The following HDDC2 variants were observed in gnomAD, a reference collection of about 807,000 sequenced individuals.
The protein encoded by HDDC2 is HD domain containing 2.
HDDC2 carries 25 observed loss-of-function variants against 25.5 expected under a neutral mutation model. The ratio of observed to expected loss-of-function variants is 0.98; its 90% CI spans 0.72 to 1.37. HDDC2 has a LOEUF of 1.37. HDDC2 is among the 40% of genes most tolerant of loss of function. The pLI is 0.00. For synonymous variants in HDDC2, 106 were observed against 89.7 expected (o/e 1.18, Z -1.03); for missense variants, 264 against 253.1 (o/e 1.04, Z -0.29).
intron 3 of HDDC2, among the ~76,000 whole-genome samples, chr6:125,297,087 A>C (rs1281445871): frequency 6.6e-6 from 1 of 152,154 alleles, no homozygotes; most frequent in African/African-American, 2.4e-5. Flanking sequence ...CTCGTCCACA[A>C]TGTCCAGATT....
chr6:125,280,813 C>G (rs1798447224), intron 4 of HDDC2, among the ~76,000 whole-genome samples: 1 of 152,264 alleles, frequency 6.6e-6, no homozygotes, highest in Non-Finnish European at 1.5e-5. Flanking sequence ...AATGTTCCTG[C>G]CTGCCGGCTC....
In HDDC2 at chr6:125,276,252, CA is replaced by C. The variant is rs1389899158; in HGVS notation, c.518-10del. ...AGGGTGATTGAATTTTCCTGCAAAG[CA>C]AAAGAACAGGGAAAAATACATTCCC... On this transcript the variant is annotated splice_polypyrimidine_tract_variant and intron_variant, in intron 5 of 5. Coordinates refer to ENST00000398153, the MANE Select transcript of HDDC2 (RefSeq NM_016063.3). 6.2e-7 allele frequency: 1 copy of C among 1,602,512 alleles called. No homozygotes were observed.
intron 3 of HDDC2, 116 bp from the exon 4 acceptor site, chr6:125,293,025 G>A: frequency 1.2e-6 from 1 of 825,736 alleles, no homozygotes; most frequent in South Asian, 1.4e-5. Flanking sequence ...GGGCAGCAGA[G>A]TAAATTGGCC....
intron 1 of HDDC2, 73 bp downstream of exon 1, chr6:125,301,776 G>C (rs987522993): frequency 3.5e-6 from 4 of 1,134,546 alleles, no homozygotes; most frequent in Non-Finnish European, 5.0e-6. Flanking sequence ...CGGCCGAGCG[G>C]GGAGGCCGGA....
chr6:125,290,840 T>C (rs1798620373), intron 4 of HDDC2, among the ~76,000 whole-genome samples: 1 of 152,240 alleles, frequency 6.6e-6, no homozygotes, highest in African/African-American at 2.4e-5. Flanking sequence ...TATCAAGTGT[T>C]TTAATTCTCT....
Position 125,300,519 on chromosome 6 carries a change from A to C in HDDC2, c.206+19T>G. On this transcript the variant is annotated intron_variant, in intron 2 of 5. Coordinates refer to ENST00000398153, the MANE Select transcript of HDDC2 (RefSeq NM_016063.3). ...TAGACCAGAATCTCTCACGAGCATC[A>C]AAGTCCAGCTCAGCTTACCGGTCTT... The C allele has an allele frequency of 6.2e-7, 1 of 1,610,918 alleles. No individual in the cohort carries two copies. Among genetic ancestry groups the C allele is most frequent in the South Asian group, 1.1e-5 (1 of 90,406 alleles).
At chr6:125,285,295 C>T (rs1033117797) in intron 4 of HDDC2, among the ~76,000 whole-genome samples, 12 of 151,334 alleles carry the variant, frequency 7.9e-5, no homozygotes, top group African/African-American at 2.7e-4. Flanking sequence ...CACATGTATC[C>T]CAGAACTTAA....
chr6:125,297,515 G>C, intron 3 of HDDC2: 1 of 399,342 alleles, frequency 2.5e-6, no homozygotes. Context: ...TGGCTACTGA[G>C]CCCGTTAGTC....
intron 4 of HDDC2, among the ~76,000 whole-genome samples, chr6:125,288,442 C>T (rs902703626): frequency 1.3e-5 from 2 of 152,090 alleles, no homozygotes; most frequent in Admixed American, 1.3e-4. Flanking sequence ...GGAGAGGACT[C>T]AGACTGGGGT....
At chr6:125,301,620 T>G (rs1367034977) in intron 1 of HDDC2, among the ~76,000 whole-genome samples, 2 of 152,080 alleles carry the variant, frequency 1.3e-5, no homozygotes, top group Non-Finnish European at 2.9e-5. Context: ...GGCTCTAGGC[T>G]CAGACTCCGG....
intron 4 of HDDC2, among the ~76,000 whole-genome samples, chr6:125,287,750 T>C (rs1379913038): frequency 6.6e-6 from 1 of 150,504 alleles, no homozygotes. Context: ...AAGATGTAGG[T>C]TGAAGGAGGG....
intron 3 of HDDC2, among the ~76,000 whole-genome samples, chr6:125,295,955 T>C (rs1234072256): frequency 1.3e-5 from 2 of 152,172 alleles, no homozygotes; most frequent in Non-Finnish European, 2.9e-5. Context: ...CAAGTATTGC[T>C]TTTGGCTCCT....
At chr6:125,284,311 A>C (rs964054679) in intron 4 of HDDC2, among the ~76,000 whole-genome samples, 3 of 152,202 alleles carry the variant, frequency 2.0e-5, no homozygotes, top group African/African-American at 7.2e-5. Flanking sequence ...AAATTGACAA[A>C]TGGGATCTAA....
intron 1 of HDDC2, among the ~76,000 whole-genome samples, chr6:125,301,556 G>A (rs1286837321): frequency 2.0e-5 from 3 of 151,736 alleles, no homozygotes; most frequent in Non-Finnish European, 4.4e-5. Context: ...GGCAGGGCCA[G>A]GCCGGCTGCT....
chr6:125,281,421 A>T (rs1798455583), intron 4 of HDDC2, among the ~76,000 whole-genome samples: 1 of 152,216 alleles, frequency 6.6e-6, no homozygotes, highest in Non-Finnish European at 1.5e-5. Flanking sequence ...GAGCTAAATG[A>T]GCATGTTCTA....
At chr6:125,287,192 G>C (rs553311281) in intron 4 of HDDC2, among the ~76,000 whole-genome samples, 1 of 152,164 alleles carries the variant, frequency 6.6e-6, no homozygotes, top group African/African-American at 2.4e-5. Context: ...TAGATTAAAG[G>C]AGATTTAAAA....
At chr6:125,284,152 A>G (rs1415810801) in intron 4 of HDDC2, among the ~76,000 whole-genome samples, 1 of 152,244 alleles carries the variant, frequency 6.6e-6, no homozygotes, top group African/African-American at 2.4e-5. Context: ...CACCTTATAC[A>G]AAAATTAACT....
chr6:125,284,967 T>C (rs1272522366), intron 4 of HDDC2, among the ~76,000 whole-genome samples: 2 of 152,184 alleles, frequency 1.3e-5, no homozygotes, highest in Non-Finnish European at 2.9e-5. Flanking sequence ...ATATACACCA[T>C]GGAATACTAT....
intron 4 of HDDC2, among the ~76,000 whole-genome samples, chr6:125,285,784 G>A (rs939830737): frequency 4.6e-5 from 7 of 152,194 alleles, no homozygotes; most frequent in South Asian, 4.1e-4. Context: ...GGACACCCAC[G>A]TAAAAAGAGT....
Sources: gnomAD v4.1 joint callset for allele counts (sites outside exome capture counted in the v4.1 genomes callset) on GRCh38, gnomAD v4.1.1 for gene constraint, MANE v1.5 for transcripts, NCBI Gene and HGNC (gene_info 2026-07-23, HGNC 2026-07-21) for gene names.